The following DST variants were observed in gnomAD, a reference collection of about 807,000 sequenced individuals.
The protein encoded by DST is bullous pemphigoid antigen.
A neutral mutation model predicts 875.2 loss-of-function variants in DST; 253 were observed. The observed-to-expected ratio is 0.29, with a 90% confidence interval of 0.26 to 0.32. DST has a LOEUF of 0.32. Ranked by LOEUF, DST falls within the 10% of genes least tolerant of loss-of-function variation. The pLI is 1.00. For synonymous variants in DST, 3,124 were observed against 3,197.1 expected (o/e 0.98, Z 0.77); for missense variants, 8,287 against 9,111.6 (o/e 0.91, Z 3.68).
At chr6:56,943,173 C>T (rs2127792324) in intron 2 of DST, among the ~76,000 whole-genome samples, 1 of 152,254 alleles carries the variant, frequency 6.6e-6, no homozygotes, top group African/African-American at 2.4e-5. Flanking sequence ...TCCTTTTAAG[C>T]TTATGACAGT....
At chr6:56,711,286 T>A (rs1348548320) in intron 5 of DST, among the ~76,000 whole-genome samples, 7 of 152,208 alleles carry the variant, frequency 4.6e-5, no homozygotes, top group Admixed American at 4.6e-4. Flanking sequence ...AGGTATTTTT[T>A]ATTCTCTTCT....
chr6:56,825,821 T>C (rs1219382067), intron 4 of DST, among the ~76,000 whole-genome samples: 1 of 152,236 alleles, frequency 6.6e-6, no homozygotes, highest in Non-Finnish European at 1.5e-5. Context: ...TTTAAGAAAG[T>C]GGCTCTTAGA....
In DST at chr6:56,605,349, T is replaced by C. The variant is rs935786122; in HGVS notation, c.9279A>G (p.Pro3093=). Residue 3093 remains proline, a synonymous_variant, in exon 40 of 104, where the codon CCA becomes CCG. Coordinates refer to ENST00000680361, the MANE Select transcript of DST (RefSeq NM_001374736.1). ...DSFKLINSQF[P]FPQITNNEEL... ...CTTCATTGTTTGTGATTTGTGGAAA[T>C]GGAAACTGACTATTAATTAACTTGA... 2.5e-6 allele frequency: 4 copies of C among 1,612,462 alleles called. No individual in the cohort carries two copies. The African/African-American group carries it at 5.3e-5, about 22-fold the overall frequency.
At chr6:56,562,997 A>C (rs991705258) in intron 55 of DST, among the ~76,000 whole-genome samples, 3 of 152,118 alleles carry the variant, frequency 2.0e-5, no homozygotes, top group Non-Finnish European at 4.4e-5. Context: ...ATTGATGGGC[A>C]TTTGGGTGGG....
At chr6:56,874,980 T>G (rs1472162781) in intron 3 of DST, among the ~76,000 whole-genome samples, 1 of 152,008 alleles carries the variant, frequency 6.6e-6, no homozygotes, top group African/African-American at 2.4e-5. Flanking sequence ...CCACAGATGT[T>G]TTTTGTTTTT....
chr6:56,465,528 A>T (rs2094536720), intron 99 of DST, among the ~76,000 whole-genome samples: 1 of 152,182 alleles, frequency 6.6e-6, no homozygotes, highest in African/African-American at 2.4e-5. Flanking sequence ...TTGGGCTGGA[A>T]GATATGTAGA....
chr6:56,735,972 C>T (rs1312059317), intron 4 of DST, among the ~76,000 whole-genome samples: 1 of 152,182 alleles, frequency 6.6e-6, no homozygotes, highest in Non-Finnish European at 1.5e-5. Context: ...AATTCTCCTG[C>T]GTCAGCCCCC....
At chr6:56,460,029 G>A (rs950086093) in intron 103 of DST, 102 bp downstream of exon 103, 17 of 1,387,432 alleles carry the variant, frequency 1.2e-5, no homozygotes, top group Middle Eastern at 1.9e-4. Context: ...ACTACCTCAG[G>A]GTCAATTTGT....
In DST at chr6:56,608,519, A is replaced by G; in HGVS notation, c.6109T>C (p.Ser2037Pro). 5.6e-6 allele frequency: 9 copies of G among 1,613,588 alleles called. No homozygotes were observed. The highest frequency in any genetic ancestry group is 7.6e-6 in the Non-Finnish European group (9 of 1,179,764). The change falls in exon 40 of 104, where the codon TCA becomes CCA. Residue 2037 changes from serine (S) to proline (P), a missense_variant. By Grantham distance (74) the Ser-to-Pro change is moderately conservative. Transcript: ENST00000680361. ...ACAGTTAAACGCTTGGCAGGGTTTG[A>G]CTGGATGATTCCACCAGTTTGAACC... ...YQVQTGGIIQSNPAKRLTVDE... is the reference protein window; with the variant it reads ...YQVQTGGIIQPNPAKRLTVDE...
chr6:56,780,024 T>C (rs2099689395), intron 4 of DST, among the ~76,000 whole-genome samples: 1 of 151,510 alleles, frequency 6.6e-6, no homozygotes, highest in Non-Finnish European at 1.5e-5. Context: ...TGATTTCCAA[T>C]TTCATCCATG....
At chr6:56,492,566 T>G (rs2095786297) in intron 84 of DST, 133 bp from the exon 85 acceptor site, 7 of 963,024 alleles carry the variant, frequency 7.3e-6, no homozygotes, top group Non-Finnish European at 1.1e-5. Flanking sequence ...ATGCATGCTT[T>G]TGACTTTAAA....
chr6:56,672,777 T>A (rs2099108410), intron 9 of DST, among the ~76,000 whole-genome samples: 1 of 152,180 alleles, frequency 6.6e-6, no homozygotes, highest in East Asian at 1.9e-4. Flanking sequence ...ATGAGCTATG[T>A]TATTGTTGTA....
chr6:56,718,912 C>G (rs770540444), intron 5 of DST, among the ~76,000 whole-genome samples: 23 of 152,052 alleles, frequency 1.5e-4, no homozygotes, highest in Non-Finnish European at 2.5e-4. Context: ...AGGGGAGAAA[C>G]AGGACAAATG....
intron 44 of DST, among the ~76,000 whole-genome samples, chr6:56,600,560 G>A (rs2098437047): frequency 6.6e-6 from 1 of 151,954 alleles, no homozygotes; most frequent in South Asian, 2.1e-4. Context: ...TCTGCAAAAG[G>A]ACATCAAAAG....
In DST at chr6:56,604,671, C is replaced by A. The variant is rs375549895; in HGVS notation, c.9957G>T (p.Lys3319Asn). 1.8e-5 allele frequency: 29 copies of A among 1,611,850 alleles called. No individual in the cohort carries two copies. In the South Asian group the frequency reaches 2.1e-4, roughly 12 times the overall value. ...TDYSFLEINN[K>N]KERIEQQLPK... ...GTAGCTGTTGCTCAATTCTTTCTTT[C>A]TTATTATTAATTTCTAAGAATGAAT... The change falls in exon 40 of 104, where the codon AAG becomes AAT. Residue 3319 changes from lysine (K) to asparagine (N), a missense_variant. Transcript: ENST00000680361.
intron 63 of DST, among the ~76,000 whole-genome samples, chr6:56,533,330 G>A (rs1182718190): frequency 6.6e-6 from 1 of 152,198 alleles, no homozygotes; most frequent in African/African-American, 2.4e-5. Context: ...TGTGCTACCA[G>A]CAATGAGGAA....
rs2094183462 is a variant in DST, at chr6:56,458,890, C to T, written c.*115G>A. On this transcript the variant is annotated 3_prime_UTR_variant, in exon 104 of 104. Transcript: ENST00000680361. ...ACAAATACACAAATAAGGCCATCTG[C>T]AGAATTTTAAACTCGCCTCTTGCAA... is the stretch of plus-strand genomic sequence containing the variant. 2 of 1,165,056 alleles carry T rather than the reference C, an allele frequency of 1.7e-6. No homozygotes were observed. Among genetic ancestry groups the T allele is most frequent in the Non-Finnish European group, 2.3e-6 (2 of 852,682 alleles). 72.2% of individuals were successfully genotyped at this position (1,165,056 alleles called of 1,614,324 possible).
At chr6:56,900,644 G>A in intron 2 of DST, 23 bp from the exon 3 acceptor site, 1 of 1,363,092 alleles carries the variant, frequency 7.3e-7, no homozygotes, top group South Asian at 1.1e-5. Flanking sequence ...ACACAACCAA[G>A]CAAATCCAGA....
chr6:56,634,019 C>T, intron 27 of DST, 113 bp downstream of exon 27: 1 of 1,213,980 alleles, frequency 8.2e-7, no homozygotes, highest in Non-Finnish European at 1.2e-6. Context: ...TGAATATTAG[C>T]ATGGATTTGC....
Sources: gnomAD v4.1 joint callset for allele counts (sites outside exome capture counted in the v4.1 genomes callset) on GRCh38, gnomAD v4.1.1 for gene constraint, MANE v1.5 for transcripts, NCBI Gene and HGNC (gene_info 2026-07-23, HGNC 2026-07-21) for gene names.